Variants in DEFB134 observed in about 807,000 individuals in gnomAD.
DEFB134 encodes beta-defensin 134.
A neutral mutation model predicts 7.4 loss-of-function variants in DEFB134; 7 were observed. The observed-to-expected ratio is 0.95, with a 90% CI of 0.54 to 1.79. The LOEUF is 1.79. DEFB134 is among the 40% of genes most tolerant of loss of function. The pLI, the probability that DEFB134 is intolerant of heterozygous loss-of-function variation, is 0.00. For synonymous variants in DEFB134, 33 were observed against 25.0 expected, an observed-to-expected ratio of 1.32 and a Z score of -0.96; for missense variants, 105 against 74.8, an observed-to-expected ratio of 1.40 and a Z score of -1.49.
At chr8:11,994,158 A>G (rs1357082366) in intron 1 of DEFB134, 36 bp from the exon 3 acceptor site, 1 of 1,585,418 alleles carries the variant, frequency 6.3e-7, no homozygotes, top group Non-Finnish European at 8.6e-7. Flanking sequence ...AATTCACTAC[A>G]GGCCTTTTTG....
At chr8:11,996,379 A>G, upstream of DEFB134, 1 of 1,001,822 alleles carries the variant, frequency 1.0e-6, no homozygotes, top group Non-Finnish European at 1.5e-6. Flanking sequence ...CGCTTCAGGT[A>G]GATATGCTAC....
At chr8:12,000,355 C>T (rs1463745728), upstream of DEFB134, among the ~76,000 whole-genome samples, 1 of 152,054 alleles carries the variant, frequency 6.6e-6, no homozygotes, top group Non-Finnish European at 1.5e-5. Flanking sequence ...CAGTATTGGG[C>T]TGAAAGTCTA....
upstream of DEFB134, chr8:11,996,391 C>T: frequency 2.5e-6 from 2 of 790,342 alleles, no homozygotes; most frequent in Admixed American, 4.8e-5. Context: ...ATATGCTACA[C>T]TGAACACCCC....
At chr8:11,996,385 G>A, upstream of DEFB134, 1 of 909,804 alleles carries the variant, frequency 1.1e-6, no homozygotes. Context: ...AGGTAGATAT[G>A]CTACACTGAA....
At chr8:11,996,358 G>C (rs1236068722), upstream of DEFB134, 1 of 1,272,164 alleles carries the variant, frequency 7.9e-7, no homozygotes, top group South Asian at 1.3e-5. Flanking sequence ...TCTCAGGGCT[G>C]GGGTATGCCT....
chr8:12,000,045 A>G (rs1342614171), upstream of DEFB134, among the ~76,000 whole-genome samples: 1 of 152,188 alleles, frequency 6.6e-6, no homozygotes, highest in African/African-American at 2.4e-5. Flanking sequence ...CCATACTCTC[A>G]GCTGCAATTG....
upstream of DEFB134, among the ~76,000 whole-genome samples, chr8:11,998,650 C>A (rs981990918): frequency 6.6e-6 from 1 of 151,722 alleles, no homozygotes; most frequent in South Asian, 2.1e-4. Flanking sequence ...AAAACAAGAG[C>A]AAATCAACCC....
At position 11,994,180 on chromosome 8, in the gene DEFB134, T is replaced by C. The variant is rs1338054079; in HGVS notation, c.59-58A>G. On this transcript the variant is annotated intron_variant, in intron 1 of 1. Coordinates refer to ENST00000526438, the Ensembl canonical transcript of DEFB134. ...TACAGGCCTTTTTGGACCATAAAAT[T>C]GCTAGTCCCTCAATTTTTATCCAAC... 10 of 1,539,082 alleles carry C rather than the reference T, an allele frequency of 6.5e-6. No individual in the cohort carries two copies. In the East Asian group the frequency reaches 2.3e-4, roughly 35 times the overall value.
upstream of DEFB134, among the ~76,000 whole-genome samples, chr8:12,000,721 CTCT>C (rs1461363332): frequency 6.6e-6 from 1 of 152,174 alleles, no homozygotes; most frequent in East Asian, 1.9e-4. Flanking sequence ...GCTATGCTCA[CTCT>C]TCTTCTTGTG....
chr8:11,999,206 C>T (rs1322627394), upstream of DEFB134: 4 of 202,654 alleles, frequency 2.0e-5, no homozygotes, highest in East Asian at 2.6e-4. Context: ...CCAGTGAGGG[C>T]GTGGGTTCAT....
exon 2 of DEFB134, chr8:11,993,785 C>A: frequency 1.7e-6 from 1 of 595,418 alleles, no homozygotes; most frequent in East Asian, 3.3e-5. Context: ...TGTGAAAAAC[C>A]GAGCTCTTTT....
intron 1 of DEFB134, among the ~76,000 whole-genome samples, chr8:11,995,571 T>TGAG (rs1800097178): frequency 6.6e-6 from 1 of 152,192 alleles, no homozygotes; most frequent in African/African-American, 2.4e-5. Context: ...ATCAGGCATT[T>TGAG]CTTCTATCAC....
upstream of DEFB134, among the ~76,000 whole-genome samples, chr8:11,998,338 T>C (rs1800179075): frequency 6.6e-6 from 1 of 151,668 alleles, no homozygotes. Flanking sequence ...GTAGTCCCAA[T>C]TACTTGGGAG....
At chr8:11,999,997 T>C (rs1427913272), upstream of DEFB134, among the ~76,000 whole-genome samples, 1 of 152,212 alleles carries the variant, frequency 6.6e-6, no homozygotes, top group African/African-American at 2.4e-5. Flanking sequence ...ATCATGCTAC[T>C]CTTCTCATCT....
chr8:11,996,641 G>A (rs1183498821), upstream of DEFB134, among the ~76,000 whole-genome samples: 2 of 152,164 alleles, frequency 1.3e-5, no homozygotes, highest in Non-Finnish European at 2.9e-5. Context: ...TATTAAACAT[G>A]ACAAGGATGG....
At chr8:11,995,704 T>C (rs1800100574) in intron 1 of DEFB134, among the ~76,000 whole-genome samples, 1 of 152,208 alleles carries the variant, frequency 6.6e-6, no homozygotes, top group Admixed American at 6.5e-5. Context: ...TAACAAATTG[T>C]GTTGTCACTA....
At chr8:12,000,739 T>A (rs961040626), upstream of DEFB134, among the ~76,000 whole-genome samples, 6 of 152,128 alleles carry the variant, frequency 3.9e-5, no homozygotes, top group African/African-American at 1.4e-4. Flanking sequence ...CTTGTGCTGA[T>A]GTAAGATGAT....
At chr8:11,998,984 G>C (rs537168176), upstream of DEFB134, 1 of 152,482 alleles carries the variant, frequency 6.6e-6, no homozygotes, top group East Asian at 1.9e-4. Context: ...GGTTGAACTG[G>C]AAAGAAATTG....
At chr8:11,994,806 C>A (rs1362819295) in intron 1 of DEFB134, among the ~76,000 whole-genome samples, 2 of 151,992 alleles carry the variant, frequency 1.3e-5, no homozygotes, top group Admixed American at 6.6e-5. Flanking sequence ...TGATATAGAC[C>A]TTAACCTCAA....
Sources: gnomAD v4.1 joint callset for allele counts (sites outside exome capture counted in the v4.1 genomes callset) on GRCh38, gnomAD v4.1.1 for gene constraint, MANE v1.5 for transcripts, NCBI Gene and HGNC (gene_info 2026-07-23, HGNC 2026-07-21) for gene names.